The following CHIC1 variants were observed in gnomAD, a reference collection of about 807,000 sequenced individuals.
CHIC1 encodes the protein cysteine rich hydrophobic domain 1.
CHIC1 carries 7 observed loss-of-function variants against 18.5 expected under a neutral mutation model. The ratio of observed to expected loss-of-function variants is 0.38; its 90% CI spans 0.22 to 0.71. The LOEUF (loss-of-function observed/expected upper bound fraction) is 0.71. Among genes scored for constraint, CHIC1 ranks in the 30% least tolerant of loss-of-function variants. The pLI, the probability that CHIC1 is intolerant of heterozygous loss-of-function variation, is 0.49. For missense variants in CHIC1, 159 were observed against 176.9 expected, an observed-to-expected ratio of 0.90 and a Z score of 0.57; for synonymous variants, 77 against 73.5, an observed-to-expected ratio of 1.05 and a Z score of -0.25.
chrX:73,680,845 C>T, intron 5 of CHIC1, 110 bp from the exon 6 acceptor site: 1 of 412,844 alleles, frequency 2.4e-6, no homozygotes, highest in East Asian at 4.4e-5. Flanking sequence ...TTATATGGTT[C>T]AGGATTGAAA....
At chrX:73,571,762 T>C (rs188535067) in intron 1 of CHIC1, among the ~76,000 whole-genome samples, 131 of 111,691 alleles carry the variant, frequency 1.2e-3, no homozygotes, top group African/African-American at 4.1e-3. Context: ...TACTCGACTA[T>C]TTTAAAATAC....
At chrX:73,642,642 T>C (rs907485951) in intron 3 of CHIC1, among the ~76,000 whole-genome samples, 3 of 109,588 alleles carry the variant, frequency 2.7e-5, no homozygotes, top group African/African-American at 6.6e-5. Flanking sequence ...CTAGGGTTTT[T>C]ATGGTTTTAG....
chrX:73,602,009 T>TA (rs1490318599), intron 3 of CHIC1, among the ~76,000 whole-genome samples: 1 of 103,912 alleles, frequency 9.6e-6, no homozygotes, highest in Non-Finnish European at 1.9e-5. Flanking sequence ...CCCCCAAGAC[T>TA]AAACCAGGAA....
At chrX:73,610,175 G>A (rs1011179765) in intron 3 of CHIC1, among the ~76,000 whole-genome samples, 1 of 108,871 alleles carries the variant, frequency 9.2e-6, no homozygotes, top group African/African-American at 3.6e-5. Context: ...TAACAAAATG[G>A]CCTCCATTTC....
At chrX:73,674,375 G>A (rs1371405173) in intron 3 of CHIC1, among the ~76,000 whole-genome samples, 2 of 111,554 alleles carry the variant, frequency 1.8e-5, no homozygotes, top group African/African-American at 6.5e-5. Context: ...GACTTTTTTT[G>A]GTTGGTAAGC....
intron 3 of CHIC1, among the ~76,000 whole-genome samples, chrX:73,629,291 T>C (rs1195033899): frequency 2.7e-5 from 3 of 111,636 alleles, no homozygotes; most frequent in African/African-American, 9.8e-5. Flanking sequence ...TCTCCTTGGC[T>C]GTGCAGAGGC....
At chrX:73,653,227 G>C (rs976172902) in intron 3 of CHIC1, among the ~76,000 whole-genome samples, 1 of 110,085 alleles carries the variant, frequency 9.1e-6, no homozygotes, top group Non-Finnish European at 1.9e-5. Flanking sequence ...CTGTTGGGGG[G>C]TGTGGGATGA....
chrX:73,593,217 T>C (rs1289477943), intron 3 of CHIC1, among the ~76,000 whole-genome samples: 4 of 111,521 alleles, frequency 3.6e-5, no homozygotes, highest in African/African-American at 9.8e-5. Flanking sequence ...AGTGCTCCTC[T>C]GATTTTTGTT....
intron 3 of CHIC1, among the ~76,000 whole-genome samples, chrX:73,637,675 G>C (rs751408572): frequency 1.8e-5 from 2 of 110,514 alleles, no homozygotes; most frequent in African/African-American, 6.6e-5. Flanking sequence ...TTCAGTTATT[G>C]TGTTTTTCAA....
chrX:73,641,502 G>A (rs2057856042), intron 3 of CHIC1, among the ~76,000 whole-genome samples: 1 of 110,635 alleles, frequency 9.0e-6, no homozygotes, highest in African/African-American at 3.3e-5. Context: ...CTACTTTTAT[G>A]AGATCAATTT....
Position 73,684,940 on chromosome X carries a change from T to C in CHIC1, c.*3935T>C, listed in dbSNP as rs181764009. 2.7e-4 allele frequency: 30 copies of C among 111,160 alleles called. No homozygotes were observed. The highest frequency in any genetic ancestry group is 9.8e-4 in the African/African-American group (30 of 30,671). 9.2% of individuals were successfully genotyped at this position (111,160 alleles called of 1,213,427 possible). ...AGTATGTTCCATTTTCTGTGAACTT[T>C]GTCAAATTCATACTATATGAGGAAA... is the stretch of plus-strand genomic sequence containing the variant. On this transcript the variant is annotated 3_prime_UTR_variant, in exon 6 of 6. Transcript: ENST00000373502.
chrX:73,677,347 C>A (rs2058071276), intron 3 of CHIC1, among the ~76,000 whole-genome samples: 1 of 112,239 alleles, frequency 8.9e-6, no homozygotes, highest in South Asian at 3.7e-4. Flanking sequence ...CCCACAGAGG[C>A]AGGCAGGCCT....
intron 3 of CHIC1, among the ~76,000 whole-genome samples, chrX:73,629,907 A>G (rs2057799646): frequency 1.8e-5 from 2 of 112,045 alleles, no homozygotes; most frequent in African/African-American, 6.5e-5. Context: ...TTAGCCATAT[A>G]AATTCTTCCA....
chrX:73,686,527 C>A lies in CHIC1; in HGVS notation c.*5522C>A, dbSNP rs1306442213. 1 of 111,858 alleles carries A rather than the reference C, an allele frequency of 8.9e-6. No homozygotes were observed. Among genetic ancestry groups the A allele is most frequent in the Non-Finnish European group, 1.9e-5 (1 of 53,022 alleles). The allele number at this position is 111,858 out of a possible 1,213,427, so 9.2% of individuals were successfully genotyped here. A position where few individuals can be genotyped will look rare whatever the true frequency, so the allele number is the denominator to read the frequency against. On this transcript the variant is annotated 3_prime_UTR_variant, in exon 6 of 6. Transcript: ENST00000373502. ...ATAAATTCAACATGATGAATCAAGGCAATAATTTCTCAAATGTTCTTTTAT... is the reference window on the plus strand; with the variant it reads ...ATAAATTCAACATGATGAATCAAGGAAATAATTTCTCAAATGTTCTTTTAT...
chrX:73,664,352 C>T (rs2057994613), intron 3 of CHIC1, among the ~76,000 whole-genome samples: 1 of 111,318 alleles, frequency 9.0e-6, no homozygotes. Flanking sequence ...ACGTAGAAAA[C>T]AATTTGGGTT....
intron 3 of CHIC1, among the ~76,000 whole-genome samples, chrX:73,616,251 C>T (rs2057732369): frequency 9.0e-6 from 1 of 111,412 alleles, no homozygotes; most frequent in African/African-American, 3.3e-5. Context: ...CCATAAGCAT[C>T]TAGGGGCTCT....
intron 1 of CHIC1, among the ~76,000 whole-genome samples, chrX:73,565,001 A>G (rs2057438651): frequency 9.1e-6 from 1 of 110,352 alleles, no homozygotes; most frequent in African/African-American, 3.3e-5. Flanking sequence ...CAAATATATT[A>G]ACAAATATTT....
At chrX:73,618,627 C>A (rs2057744538) in intron 3 of CHIC1, among the ~76,000 whole-genome samples, 1 of 111,922 alleles carries the variant, frequency 8.9e-6, no homozygotes, top group African/African-American at 3.2e-5. Context: ...CACCATGCCC[C>A]ACCCCCAACA....
intron 3 of CHIC1, among the ~76,000 whole-genome samples, chrX:73,641,872 T>C: frequency 8.9e-6 from 1 of 112,024 alleles, no homozygotes; most frequent in Admixed American, 9.4e-5. Flanking sequence ...GGCTGCATAG[T>C]ATTCCATGGT....
Sources: gnomAD v4.1 joint callset for allele counts (sites outside exome capture counted in the v4.1 genomes callset) on GRCh38, gnomAD v4.1.1 for gene constraint, MANE v1.5 for transcripts, NCBI Gene and HGNC (gene_info 2026-07-23, HGNC 2026-07-21) for gene names.